The following PEAK3 variants were observed in gnomAD, a reference collection of about 807,000 sequenced individuals.
PEAK3 encodes PEAK family member 3, also known as protein PEAK3.
A neutral mutation model predicts 13.3 loss-of-function variants in PEAK3; 15 were observed. The ratio of observed to expected loss-of-function variants is 1.13; its 90% CI spans 0.75 to 1.73. The LOEUF is 1.73. Ranked by LOEUF, PEAK3 falls within the 40% of genes most tolerant of loss-of-function variation. The pLI is 0.00. For missense variants in PEAK3, 739 were observed against 690.2 expected (o/e 1.07, Z -0.79); for synonymous variants, 347 against 341.9 (o/e 1.01, Z -0.17).
rs1244194469 is a variant in PEAK3 at position 2,274,943 on chromosome 19, A to G, written c.*737T>C. 7.0e-6 allele frequency: 1 copy of G among 141,890 alleles called. No individual in the cohort carries two copies. The highest frequency in any genetic ancestry group is 2.6e-5 in the African/African-American group (1 of 38,358). The allele number at this position is 141,890 out of a possible 1,614,324, so 8.8% of individuals were successfully genotyped here. On this transcript the variant is annotated 3_prime_UTR_variant, in exon 4 of 4. Coordinates refer to ENST00000342063, the MANE Select transcript of PEAK3 (RefSeq NM_198532.3). Reference sequence around the variant, plus strand: ...GCCGAGATCGTCTCAAAAAAAAAAAAAAAAAAAAAAGAAAAAGAAAGTGGA... The same window carrying G: ...GCCGAGATCGTCTCAAAAAAAAAAAGAAAAAAAAAAGAAAAAGAAAGTGGA...
chr19:2,276,190 C>G lies in PEAK3; in HGVS notation c.912G>C (p.Glu304Asp). ...FLEAWGAALV[E>D]LRPENLLLVA... ...CCAGCAGCAAGTTCTCCGGCCGCAA[C>G]TCGACTAGGGCCGCGCCCCACGCCT... The change falls in exon 4 of 4, where the codon GAG (glutamate) becomes GAC (aspartate). Residue 304 changes from glutamate (E) to aspartate (D), a missense_variant. Transcript: ENST00000342063. 1.3e-6 allele frequency: 2 copies of G among 1,555,438 alleles called. No homozygotes were observed. Among genetic ancestry groups the G allele is most frequent in the Non-Finnish European group, 1.7e-6 (2 of 1,152,928 alleles).
At chr19:2,277,958 G>T (rs1599158111) in intron 3 of PEAK3, among the ~76,000 whole-genome samples, 1 of 150,560 alleles carries the variant, frequency 6.6e-6, no homozygotes, top group South Asian at 2.1e-4. Context: ...CTGCCCCCTG[G>T]GTTCATGCCA....
intron 3 of PEAK3, among the ~76,000 whole-genome samples, chr19:2,277,836 A>G (rs1163465752): frequency 2.1e-5 from 3 of 144,106 alleles, no homozygotes. Flanking sequence ...AAGTGCTGAG[A>G]TTACAGGCGT....
At chr19:2,278,555 C>A in intron 3 of PEAK3, 29 bp downstream of exon 3, 1 of 1,461,290 alleles carries the variant, frequency 6.8e-7, no homozygotes, top group Non-Finnish European at 9.0e-7. Flanking sequence ...CTGGGGACAC[C>A]TCAGAGAGGG....
At position 2,276,501 on chromosome 19, in the gene PEAK3, A is replaced by G. The variant is rs750121082; in HGVS notation, c.613-12T>C. ...CCGGGCTTGGGCACCTGCAAGGCAGAGGGGGTGTCGGGGCCTGGATCACTG... is the reference window on the plus strand; with the variant it reads ...CCGGGCTTGGGCACCTGCAAGGCAGGGGGGGTGTCGGGGCCTGGATCACTG... On this transcript the variant is annotated splice_polypyrimidine_tract_variant and intron_variant, in intron 3 of 3. Transcript: ENST00000342063. The G allele has an allele frequency of 2.7e-6, 4 of 1,500,484 alleles. No homozygotes were observed. In the East Asian group the frequency reaches 9.3e-5, roughly 35 times the overall value. The allele number at this position is 1,500,484 out of a possible 1,614,324, so 92.9% of individuals were successfully genotyped here.
rs1377949449 is a variant in PEAK3, at chr19:2,278,770, C to G, written c.426G>C (p.Gln142His). Residue 142 changes from glutamine (Q) to histidine (H), a missense_variant, in exon 3 of 4, where the codon CAG becomes CAC. By Grantham distance (24) the Gln-to-His change is conservative. Coordinates refer to ENST00000342063, the MANE Select transcript of PEAK3 (RefSeq NM_198532.3). ...EAVHTALAAR[Q>H]LQGLRTIYAR... The stretch of plus-strand genomic sequence containing the variant: ...CATAGATGGTACGGAGGCCCTGCAG[C>G]TGCCGCGCAGCCAGTGCAGTGTGCA... 5.1e-6 allele frequency: 8 copies of G among 1,560,196 alleles called. No individual in the cohort carries two copies. The highest frequency in any genetic ancestry group is 2.4e-5 in the East Asian group (1 of 42,226).
In PEAK3 at chr19:2,276,407, C is replaced by T; in HGVS notation, c.695G>A (p.Gly232Glu). ...GCCTTCAGGCACCAGGCCACACAGC[C>T]CCTGCAGATTGAAGTGTGGAGACAG... ...ASLSPHFNLQ[G>E]LCGLVPEGTL... Residue 232 changes from glycine to glutamate, a missense_variant, in exon 4 of 4, where the codon GGG becomes GAG. Gly to Glu is a moderately conservative substitution (Grantham distance 98). Coordinates refer to ENST00000342063, the MANE Select transcript of PEAK3 (RefSeq NM_198532.3). 3 of 1,599,034 alleles carry T rather than the reference C, an allele frequency of 1.9e-6. No homozygotes were observed. The highest frequency in any genetic ancestry group is 2.5e-6 in the Non-Finnish European group (3 of 1,178,012).
intron 3 of PEAK3, among the ~76,000 whole-genome samples, chr19:2,276,868 G>T (rs923095769): frequency 3.3e-5 from 5 of 152,104 alleles, no homozygotes; most frequent in African/African-American, 1.2e-4. Context: ...TGCAAAACTA[G>T]CTGGGCGTGG....
Position 2,278,912 on chromosome 19 carries a change from CTG to C in PEAK3, c.282_283del (p.His94GlnfsTer24). On this transcript the variant is annotated frameshift_variant, in exon 3 of 4. Coordinates refer to ENST00000342063, the MANE Select transcript of PEAK3 (RefSeq NM_198532.3). LOFTEE classifies it high-confidence loss of function. Reference sequence around the variant, plus strand: ...CACTGCAGCCTGGCTCTTGTCCACACTGTGGGACCCCAGAAAGGGTCTCCGAG... The same window carrying C: ...CACTGCAGCCTGGCTCTTGTCCACACTGGGACCCCAGAAAGGGTCTCCGAG... 6.2e-7 allele frequency: 1 copy of C among 1,602,386 alleles called. No individual in the cohort carries two copies. The highest frequency in any genetic ancestry group is 8.5e-7 in the Non-Finnish European group (1 of 1,174,986).
In PEAK3 at chr19:2,278,785, T is replaced by G. The variant is rs748713571; in HGVS notation, c.411A>C (p.Ala137=). The G allele has an allele frequency of 1.5e-5, 24 of 1,577,614 alleles. No homozygotes were observed. Among genetic ancestry groups the G allele is most frequent in the Non-Finnish European group, 1.8e-5 (21 of 1,160,680 alleles). ...DLHSPEAVHT[A]LAARQLQGLR... is the part of the protein sequence containing the mutation. ...GGCCCTGCAGCTGCCGCGCAGCCAG[T>G]GCAGTGTGCACAGCCTCCGGGCTGT... Residue 137 remains alanine (A), a synonymous_variant, in exon 3 of 4, where the codon GCA becomes GCC. Coordinates refer to ENST00000342063, the MANE Select transcript of PEAK3 (RefSeq NM_198532.3).
Position 2,275,461 on chromosome 19 carries a change from C to T in PEAK3, c.*219G>A. Reference sequence around the variant, plus strand: ...TGCTGCCCAACACAGGAGGCGCTGGCCAGCCCCCAGCCCTGGAGGGGCAGC... The same window carrying T: ...TGCTGCCCAACACAGGAGGCGCTGGTCAGCCCCCAGCCCTGGAGGGGCAGC... On this transcript the variant is annotated 3_prime_UTR_variant, in exon 4 of 4. Coordinates refer to ENST00000342063, the MANE Select transcript of PEAK3 (RefSeq NM_198532.3). The T allele has an allele frequency of 2.5e-6, 1 of 402,246 alleles. No individual in the cohort carries two copies. 24.9% of individuals were successfully genotyped at this position (402,246 alleles called of 1,614,324 possible).
intron 2 of PEAK3, 147 bp downstream of exon 2, chr19:2,280,703 G>T: frequency 1.5e-6 from 1 of 653,204 alleles, no homozygotes; most frequent in South Asian, 1.9e-5. Context: ...CTTCCCGGAG[G>T]TCACTCATTT....
At chr19:2,280,532 T>C (rs1227935884) in intron 2 of PEAK3, among the ~76,000 whole-genome samples, 5 of 151,440 alleles carry the variant, frequency 3.3e-5, no homozygotes, top group Admixed American at 1.3e-4. Flanking sequence ...TTTGTAGAGA[T>C]GGGGGGCGGG....
rs1207622092 is a variant in PEAK3, at chr19:2,274,641, G to A, written c.*1039C>T. On this transcript the variant is annotated 3_prime_UTR_variant, in exon 4 of 4. Coordinates refer to ENST00000342063, the MANE Select transcript of PEAK3 (RefSeq NM_198532.3). Reference sequence around the variant, plus strand: ...GCGGAGAACGCAGGGTAAGGAGCTAGCGATGGCCCAGAGTGGGCACCTTTA... The same window carrying A: ...GCGGAGAACGCAGGGTAAGGAGCTAACGATGGCCCAGAGTGGGCACCTTTA... 2.0e-5 allele frequency: 3 copies of A among 152,286 alleles called. No individual in the cohort carries two copies. The highest frequency in any genetic ancestry group is 2.1e-4 in the South Asian group (1 of 4,848). 9.4% of individuals were successfully genotyped at this position (152,286 alleles called of 1,614,324 possible).
Position 2,280,860 on chromosome 19 carries a change from AT to A in PEAK3, c.71del (p.Tyr24LeufsTer41). On this transcript the variant is annotated frameshift_variant, in exon 2 of 4. Transcript: ENST00000342063. LOFTEE classifies it high-confidence loss of function. ...DNPTWSTQPT[Y>X]SNLGQIRAHL... The stretch of plus-strand genomic sequence containing the variant: ...TGGGGAGCTGCTTACCAAGGTTGCT[AT>A]ACGTGGGCTGAGTCGACCAGGTGGG... 6.2e-7 allele frequency: 1 copy of A among 1,607,230 alleles called. No individual in the cohort carries two copies. Among genetic ancestry groups the A allele is most frequent in the Non-Finnish European group, 8.5e-7 (1 of 1,176,890 alleles).
chr19:2,278,278 C>A (rs1029194187), intron 3 of PEAK3, among the ~76,000 whole-genome samples: 1 of 151,932 alleles, frequency 6.6e-6, no homozygotes, highest in Non-Finnish European at 1.5e-5. Flanking sequence ...AATTCTCCTG[C>A]CTCAGTCTCC....
chr19:2,280,817 C>G, intron 2 of PEAK3, 33 bp downstream of exon 2: 1 of 1,576,748 alleles, frequency 6.3e-7, no homozygotes, highest in Non-Finnish European at 8.6e-7. Flanking sequence ...CCCTGCACCC[C>G]CGCAGCCCAG....
intron 3 of PEAK3, among the ~76,000 whole-genome samples, 180 bp from the exon 4 acceptor site, chr19:2,276,669 C>T (rs191745575): frequency 2.0e-5 from 3 of 152,282 alleles, no homozygotes; most frequent in Admixed American, 2.0e-4. Context: ...AGTTAGTCAC[C>T]AGTAAGGACT....
In PEAK3 at chr19:2,278,643, C is replaced by T. The variant is rs774093019; in HGVS notation, c.553G>A (p.Ala185Thr). 27 of 1,505,422 alleles carry T rather than the reference C, an allele frequency of 1.8e-5. No individual in the cohort carries two copies. The highest frequency in any genetic ancestry group is 9.2e-5 in the East Asian group (4 of 43,540). 93.3% of individuals were successfully genotyped at this position (1,505,422 alleles called of 1,614,324 possible). A position where few individuals can be genotyped will look rare whatever the true frequency, so the allele number is the denominator to read the frequency against. ...GCGCGCACCACGCGGTAATACAGGGCGTCCCCGCTCTCTGCGCAGGGTGAG... is the reference window on the plus strand; with the variant it reads ...GCGCGCACCACGCGGTAATACAGGGTGTCCCCGCTCTCTGCGCAGGGTGAG... ...DSSPCAESGD[A>T]LYYRVVRAHE... Residue 185 changes from alanine to threonine, a missense_variant, in exon 3 of 4, where the codon GCC (alanine) becomes ACC (threonine). Ala to Thr is a moderately conservative substitution (Grantham distance 58, BLOSUM62 0). Transcript: ENST00000342063.
Sources: allele counts gnomAD v4.1 joint callset (sites outside exome capture counted in the v4.1 genomes callset), GRCh38; gene constraint gnomAD v4.1.1; transcripts MANE v1.5; gene names NCBI Gene and HGNC (gene_info 2026-07-23, HGNC 2026-07-21).